Variants in RARB observed in about 807,000 individuals in gnomAD.
The protein encoded by RARB is retinoic acid receptor beta, also known as HBV-activated protein.
RARB carries 17 observed loss-of-function variants against 51.9 expected under a neutral mutation model. The observed-to-expected ratio is 0.33, with a 90% CI of 0.22 to 0.49. The LOEUF (loss-of-function observed/expected upper bound fraction) is 0.49. Ranked by LOEUF, RARB falls within the 20% of genes least tolerant of loss-of-function variation. The pLI is 0.99. For synonymous variants in RARB, 215 were observed against 195.4 expected, an observed-to-expected ratio of 1.10 and a Z score of -0.84; for missense variants, 369 against 550.8, an observed-to-expected ratio of 0.67 and a Z score of 3.30.
intron 4 of RARB, among the ~76,000 whole-genome samples, chr3:25,156,015 C>G (rs1223823331): frequency 6.6e-6 from 1 of 152,140 alleles, no homozygotes; most frequent in Non-Finnish European, 1.5e-5. Flanking sequence ...TGCTTTTTCT[C>G]TGTGTGCTTG....
At chr3:25,212,966 G>A (rs544549848) in intron 5 of RARB, among the ~76,000 whole-genome samples, 1 of 152,244 alleles carries the variant, frequency 6.6e-6, no homozygotes, top group Non-Finnish European at 1.5e-5. Flanking sequence ...ATTGCGGCAC[G>A]TAATGTTCTC....
intron 1 of RARB, among the ~76,000 whole-genome samples, chr3:24,835,965 CA>C (rs1221431554): frequency 6.6e-6 from 1 of 152,170 alleles, no homozygotes; most frequent in East Asian, 1.9e-4. Context: ...AGCCTGAAAA[CA>C]AGTGGGATTT....
chr3:25,243,296 T>C (rs1702476487), intron 5 of RARB, among the ~76,000 whole-genome samples: 1 of 152,198 alleles, frequency 6.6e-6, no homozygotes, highest in African/African-American at 2.4e-5. Flanking sequence ...TGAATACCCT[T>C]TATTTCTTCC....
At chr3:25,056,841 C>G (rs1698451657) in intron 2 of RARB, among the ~76,000 whole-genome samples, 2 of 152,074 alleles carry the variant, frequency 1.3e-5, no homozygotes, top group Non-Finnish European at 2.9e-5. Flanking sequence ...ACAATTCTTC[C>G]TTTGCCCCTC....
chr3:25,578,627 T>C (rs1472932492), intron 4 of RARB, among the ~76,000 whole-genome samples: 1 of 152,240 alleles, frequency 6.6e-6, no homozygotes, highest in Non-Finnish European at 1.5e-5. Flanking sequence ...CTTGATCTCA[T>C]GTTCCCTCAA....
At chr3:25,246,332 A>C (rs1400635713) in intron 5 of RARB, among the ~76,000 whole-genome samples, 1 of 152,006 alleles carries the variant, frequency 6.6e-6, no homozygotes, top group Non-Finnish European at 1.5e-5. Flanking sequence ...CAATTTGTCA[A>C]ACTCATTCTC....
intron 1 of RARB, among the ~76,000 whole-genome samples, chr3:25,434,853 T>C (rs1416365017): frequency 1.3e-5 from 2 of 152,094 alleles, no homozygotes; most frequent in African/African-American, 4.8e-5. Context: ...TATTTACTTT[T>C]GAAAGTACAA....
intron 2 of RARB, among the ~76,000 whole-genome samples, chr3:24,974,419 G>A (rs1696466267): frequency 6.6e-6 from 1 of 152,006 alleles, no homozygotes; most frequent in African/African-American, 2.4e-5. Context: ...CCACCTGGAG[G>A]ATAAGAGTTT....
Position 25,223,752 on chromosome 3 carries a change from T to C in RARB, c.178+49177T>C, listed in dbSNP as rs556567520. ...TTAGTTACCAGTTATTGAGCACTTA[T>C]AGAAGTGCTTGTAAAGTGACTCAGT... On this transcript the variant is annotated intron_variant, in intron 5 of 11. Coordinates refer to the RARB transcript ENST00000383772. Among the ~76,000 whole-genome samples, 14 of 152,346 alleles carry C rather than the reference T, an allele frequency of 9.2e-5. No homozygotes were observed. In the East Asian group the frequency reaches 1.3e-3, roughly 15 times the overall value.
At position 25,216,787 on chromosome 3, in the gene RARB, ATG is replaced by A. The variant is rs961300738; in HGVS notation, c.178+42214_178+42215del. Among the ~76,000 whole-genome samples the A allele has an allele frequency of 2.8e-4, 42 of 150,668 alleles. 1 individual carries two copies. The highest frequency in any genetic ancestry group is 7.8e-4 in the African/African-American group (32 of 41,214). On this transcript the variant is annotated intron_variant, in intron 5 of 11. Coordinates refer to the RARB transcript ENST00000383772. ...ATATTTTGTTTCTTCTAAAAAATAT[ATG>A]TATATATTATTTAGAGCTCTTTTAG...
chr3:24,991,013 A>C (rs1395378541), intron 2 of RARB, among the ~76,000 whole-genome samples: 1 of 152,230 alleles, frequency 6.6e-6, no homozygotes, highest in Non-Finnish European at 1.5e-5. Context: ...ACATTTTCTA[A>C]TTAGCAGTTT....
chr3:24,910,018 G>T, intron 2 of RARB, among the ~76,000 whole-genome samples: 1 of 152,220 alleles, frequency 6.6e-6, no homozygotes, highest in East Asian at 1.9e-4. Flanking sequence ...AGAGATTATT[G>T]AAAAGCTCCT....
At chr3:25,159,445 C>T (rs1423552813) in intron 4 of RARB, among the ~76,000 whole-genome samples, 2 of 147,682 alleles carry the variant, frequency 1.4e-5, no homozygotes, top group Admixed American at 1.3e-4. Flanking sequence ...TCCCAAAGTG[C>T]TGGGATTACA....
chr3:24,882,295 T>C (rs1361518316), intron 2 of RARB, among the ~76,000 whole-genome samples: 2 of 152,226 alleles, frequency 1.3e-5, no homozygotes, highest in African/African-American at 2.4e-5. Context: ...ATTCAGCCAA[T>C]TGTCATTTAA....
At chr3:25,331,819 A>T (rs1234830381) in intron 5 of RARB, among the ~76,000 whole-genome samples, 1 of 152,152 alleles carries the variant, frequency 6.6e-6, no homozygotes, top group Non-Finnish European at 1.5e-5. Context: ...TCAAATAGAC[A>T]CAATAAAAAA....
chr3:24,830,735 G>C (rs2125325599), intron 1 of RARB, among the ~76,000 whole-genome samples: 1 of 152,062 alleles, frequency 6.6e-6, no homozygotes, highest in East Asian at 1.9e-4. Flanking sequence ...GTTATGGAGG[G>C]ACCACTGAGA....
At chr3:25,248,133 T>G (rs138570431) in intron 5 of RARB, among the ~76,000 whole-genome samples, 43 of 152,346 alleles carry the variant, frequency 2.8e-4, no homozygotes, top group Admixed American at 2.1e-3. Context: ...ATAATGACTT[T>G]TTGTGTCTCT....
intron 2 of RARB, among the ~76,000 whole-genome samples, chr3:25,034,937 T>G (rs1051434350): frequency 6.6e-6 from 1 of 152,210 alleles, no homozygotes; most frequent in African/African-American, 2.4e-5. Flanking sequence ...CTCTTCTGAT[T>G]GCCACTGTCT....
chr3:25,256,376 T>C (rs748696067), intron 5 of RARB, among the ~76,000 whole-genome samples: 2 of 152,154 alleles, frequency 1.3e-5, no homozygotes, highest in Non-Finnish European at 2.9e-5. Flanking sequence ...ATCTAGAAAA[T>C]CTATTTACCT....
Sources: allele counts gnomAD v4.1 joint callset (sites outside exome capture counted in the v4.1 genomes callset), GRCh38; gene constraint gnomAD v4.1.1; transcripts MANE v1.5; gene names NCBI Gene and HGNC (gene_info 2026-07-23, HGNC 2026-07-21).